FAM98A: variants seen among roughly 807,000 people sequenced by gnomAD.
FAM98A encodes tRNA splicing ligase complex subunit 3A, also known as protein FAM98A.
A neutral mutation model predicts 62.9 loss-of-function variants in FAM98A; 25 were observed. The ratio of observed to expected loss-of-function variants is 0.40; its 90% CI spans 0.29 to 0.56. FAM98A has a LOEUF of 0.56. Ranked by LOEUF, FAM98A falls within the 20% of genes least tolerant of loss-of-function variation. The pLI, the probability that FAM98A is intolerant of heterozygous loss-of-function variation, is 0.51. For missense variants in FAM98A, 653 were observed against 640.7 expected, an observed-to-expected ratio of 1.02 and a Z score of -0.21; for synonymous variants, 252 against 228.6, an observed-to-expected ratio of 1.10 and a Z score of -0.92.
chr2:33,589,582 AG>A (rs1454077379), intron 3 of FAM98A: 1 of 152,192 alleles, frequency 6.6e-6, no homozygotes, highest in African/African-American at 2.4e-5. Context: ...CATTTCTGAA[AG>A]GCTGCCAACT....
At chr2:33,593,056 C>T (rs1469496253) in intron 2 of FAM98A, among the ~76,000 whole-genome samples, 1 of 152,162 alleles carries the variant, frequency 6.6e-6, no homozygotes, top group Non-Finnish European at 1.5e-5. Context: ...GAAACTTCAC[C>T]CTCGTACTTG....
chr2:33,590,710 A>G (rs1187502755), intron 3 of FAM98A, among the ~76,000 whole-genome samples: 2 of 152,190 alleles, frequency 1.3e-5, no homozygotes, highest in Non-Finnish European at 2.9e-5. Context: ...GCAGATTAAA[A>G]TAAAGTCTAG....
At chr2:33,593,031 TC>T (rs1257054444) in intron 2 of FAM98A, among the ~76,000 whole-genome samples, 1 of 152,176 alleles carries the variant, frequency 6.6e-6, no homozygotes, top group Non-Finnish European at 1.5e-5. Context: ...GATGAAACCT[TC>T]CTTGTACTTG....
rs1677477401 is a variant in FAM98A, at chr2:33,584,056, A to C, written c.*720T>G. 3 of 152,678 alleles carry C rather than the reference A, an allele frequency of 2.0e-5. No individual in the cohort carries two copies. The highest frequency in any genetic ancestry group is 2.9e-5 in the Non-Finnish European group (2 of 68,044). 9.5% of individuals were successfully genotyped at this position (152,678 alleles called of 1,614,324 possible). A position where few individuals can be genotyped will look rare whatever the true frequency, so the allele number is the denominator to read the frequency against. On this transcript the variant is annotated 3_prime_UTR_variant, in exon 8 of 8. Coordinates refer to ENST00000238823, the MANE Select transcript of FAM98A (RefSeq NM_015475.5). ...GGAGGAATTTGTTTTGGATGGATGC[A>C]GGTCAGTTTGAATTGCTATACTTAA...
chr2:33,585,269 T>C lies in FAM98A; in HGVS notation c.1064A>G (p.Glu355Gly). The change falls in exon 8 of 8, where the codon GAA becomes GGA. Residue 355 changes from glutamate to glycine, a missense_variant. Physicochemically the swap from Glu to Gly is moderately conservative, Grantham distance 98. Transcript: ENST00000238823. ...ACGTCCACCTCTCCCGCCTCCTTGT[T>C]CATGACCTCCTCGTCCTCCGTATGA... Reference protein sequence around the residue: ...HSSYGGRGGHEQGGGRGGRGG... With the variant: ...HSSYGGRGGHGQGGGRGGRGG... The C allele has an allele frequency of 6.2e-7, 1 of 1,614,008 alleles. No individual in the cohort carries two copies. The highest frequency in any genetic ancestry group is 8.5e-7 in the Non-Finnish European group (1 of 1,180,000).
intron 3 of FAM98A, among the ~76,000 whole-genome samples, chr2:33,591,348 T>C (rs1677667713): frequency 6.6e-6 from 1 of 152,196 alleles, no homozygotes; most frequent in Admixed American, 6.5e-5. Flanking sequence ...TTAATGTAAA[T>C]GTGCTTCAGA....
intron 1 of FAM98A, 74 bp from the exon 2 acceptor site, chr2:33,595,711 G>T: frequency 9.5e-7 from 1 of 1,056,456 alleles, no homozygotes; most frequent in Non-Finnish European, 1.3e-6. Context: ...ACATATCTAT[G>T]TCTTATTTAT....
intron 3 of FAM98A, chr2:33,588,777 G>A: frequency 8.4e-6 from 2 of 236,764 alleles, no homozygotes; most frequent in Non-Finnish European, 1.6e-5. Flanking sequence ...GAAGGATCGA[G>A]GTAAGTAACA....
chr2:33,587,510 G>T, intron 4 of FAM98A, 190 bp from the exon 5 acceptor site: 1 of 570,908 alleles, frequency 1.8e-6, no homozygotes. Flanking sequence ...CACGCCTACA[G>T]AAGTCCTTCA....
intron 1 of FAM98A, 47 bp from the exon 2 acceptor site, chr2:33,595,684 A>C: frequency 7.1e-7 from 1 of 1,403,054 alleles, no homozygotes; most frequent in Non-Finnish European, 9.7e-7. Context: ...AATCATACCT[A>C]ATATATTACA....
chr2:33,595,898 G>A (rs774368155), intron 1 of FAM98A, among the ~76,000 whole-genome samples: 24 of 151,960 alleles, frequency 1.6e-4, no homozygotes, highest in Non-Finnish European at 3.4e-4. Context: ...ACTAAATTAT[G>A]TCAACTTCTG....
Position 33,584,639 on chromosome 2 carries a change from C to T in FAM98A, c.*137G>A. 1 of 728,448 alleles carries T rather than the reference C, an allele frequency of 1.4e-6. No homozygotes were observed. Among genetic ancestry groups the T allele is most frequent in the Non-Finnish European group, 2.3e-6 (1 of 430,742 alleles). The allele number at this position is 728,448 out of a possible 1,614,324, so 45.1% of individuals were successfully genotyped here. ...AAAATCTAACAGAATTGAATGAAGACCTACAAATGCTTATGCCAAGCAGGA... is the reference window on the plus strand; with the variant it reads ...AAAATCTAACAGAATTGAATGAAGATCTACAAATGCTTATGCCAAGCAGGA... On this transcript the variant is annotated 3_prime_UTR_variant, in exon 8 of 8. Transcript: ENST00000238823.
Position 33,584,616 on chromosome 2 carries a change from A to T in FAM98A, c.*160T>A. 1 of 642,118 alleles carries T rather than the reference A, an allele frequency of 1.6e-6. No individual in the cohort carries two copies. The highest frequency in any genetic ancestry group is 2.7e-6 in the Non-Finnish European group (1 of 369,988). 39.8% of individuals were successfully genotyped at this position (642,118 alleles called of 1,614,324 possible). On this transcript the variant is annotated 3_prime_UTR_variant, in exon 8 of 8. Coordinates refer to ENST00000238823, the MANE Select transcript of FAM98A (RefSeq NM_015475.5). ...CGGCATTATGTAAGTCCAATAAAAA[A>T]ATCTAACAGAATTGAATGAAGACCT...
chr2:33,584,915 C>T lies in FAM98A; in HGVS notation c.1418G>A (p.Arg473His), dbSNP rs776960946. 8 of 1,613,726 alleles carry T rather than the reference C, an allele frequency of 5.0e-6. No individual in the cohort carries two copies. The highest frequency in any genetic ancestry group is 1.3e-5 in the African/African-American group (1 of 74,814). Reference sequence around the variant, plus strand: ...TCCCCAGCCTCCTCCCTGGCCTGCACGACCACCTCGGCCTCCACGACCACC... The same window carrying T: ...TCCCCAGCCTCCTCCCTGGCCTGCATGACCACCTCGGCCTCCACGACCACC... ...GRGGRGGRGG[R>H]AGQGGGWGGR... is the part of the protein sequence containing the mutation. Residue 473 changes from arginine to histidine, a missense_variant, in exon 8 of 8, where the codon CGT (arginine) becomes CAT (histidine). Coordinates refer to ENST00000238823, the MANE Select transcript of FAM98A (RefSeq NM_015475.5).
At position 33,584,944 on chromosome 2, in the gene FAM98A, C is replaced by T; in HGVS notation, c.1389G>A (p.Gly463=). ...CACCTCGGCCTCCACGACCACCTCG[C>T]CCACCACGACCACCACCACGATCAC... ...HHGDRGGGRG[G]RGGRGGRGGR... The change falls in exon 8 of 8, where the codon GGG becomes GGA. Residue 463 remains glycine, a synonymous_variant. Coordinates refer to ENST00000238823, the MANE Select transcript of FAM98A (RefSeq NM_015475.5). The T allele has an allele frequency of 8.1e-6, 13 of 1,613,680 alleles. No individual in the cohort carries two copies. Among genetic ancestry groups the T allele is most frequent in the South Asian group, 1.1e-5 (1 of 91,042 alleles).
chr2:33,587,661 C>A, intron 4 of FAM98A: 1 of 255,826 alleles, frequency 3.9e-6, no homozygotes, highest in Non-Finnish European at 7.7e-6. Context: ...CATCATGGTG[C>A]TGGTCTACCC....
chr2:33,583,676 C>A lies in FAM98A; in HGVS notation c.*1100G>T, dbSNP rs900540156. 2 of 152,640 alleles carry A rather than the reference C, an allele frequency of 1.3e-5. No individual in the cohort carries two copies. The allele number at this position is 152,640 out of a possible 1,614,324, so 9.5% of individuals were successfully genotyped here. A position where few individuals can be genotyped will look rare whatever the true frequency, so the allele number is the denominator to read the frequency against. On this transcript the variant is annotated 3_prime_UTR_variant, in exon 8 of 8. Coordinates refer to ENST00000238823, the MANE Select transcript of FAM98A (RefSeq NM_015475.5). ...AACCAAAGAGAGAACTTAACAGATA[C>A]TTTATTGCTCACCTTTCACACAAAG... is the stretch of plus-strand genomic sequence containing the variant.
rs373059283 is a variant in FAM98A at position 33,584,734 on chromosome 2, T to C, written c.*42A>G. Reference sequence around the variant, plus strand: ...TGAATTCAGGATTCTGAAACTAAGTTTCTATTACTTGAGCTCTAGCAAAAT... The same window carrying C: ...TGAATTCAGGATTCTGAAACTAAGTCTCTATTACTTGAGCTCTAGCAAAAT... On this transcript the variant is annotated 3_prime_UTR_variant, in exon 8 of 8. Transcript: ENST00000238823. 1.3e-6 allele frequency: 2 copies of C among 1,503,326 alleles called. No homozygotes were observed. Among genetic ancestry groups the C allele is most frequent in the African/African-American group, 2.8e-5 (2 of 71,650 alleles). 93.1% of individuals were successfully genotyped at this position (1,503,326 alleles called of 1,614,324 possible).
rs779639334 is a variant in FAM98A at position 33,595,563 on chromosome 2, G to A, written c.128C>T (p.Thr43Ile). ...VSAGASSPEF[T>I]KLCAWLVSEL... ...AGACACCAGCCAAGCACAGAGTTTG[G>A]TAAACTCGGGGGAACTGGCTCCAGC... Residue 43 changes from threonine (T) to isoleucine (I), a missense_variant, in exon 2 of 8, where the codon ACC (threonine) becomes ATC (isoleucine). Physicochemically the swap from Thr to Ile is moderately conservative, Grantham distance 89. Transcript: ENST00000238823. 8 of 1,610,214 alleles carry A rather than the reference G, an allele frequency of 5.0e-6. No individual in the cohort carries two copies. In the Admixed American group the frequency reaches 1.4e-4, roughly 27 times the overall value.
Sources: allele counts gnomAD v4.1 joint callset (sites outside exome capture counted in the v4.1 genomes callset), GRCh38; gene constraint gnomAD v4.1.1; transcripts MANE v1.5; gene names NCBI Gene and HGNC (gene_info 2026-07-23, HGNC 2026-07-21).